POLDIP3: variants seen among roughly 807,000 people sequenced by gnomAD.
The protein encoded by POLDIP3 is polymerase delta-interacting protein 3.
POLDIP3 carries 14 observed loss-of-function variants against 45.1 expected under a neutral mutation model. That is an observed-to-expected ratio of 0.31 (90% CI 0.20 to 0.49). The LOEUF (loss-of-function observed/expected upper bound fraction) is 0.49, where lower values mean the gene tolerates loss of function less well. POLDIP3 is among the 20% of genes least tolerant of loss of function. POLDIP3 has a pLI of 0.99. For synonymous variants in POLDIP3, 223 were observed against 205.2 expected (o/e 1.09, Z -0.74); for missense variants, 511 against 538.8 (o/e 0.95, Z 0.51).
Position 42,602,227 on chromosome 22 carries a change from C to T in POLDIP3, c.451-171G>A, listed in dbSNP as rs910178753. 5 of 1,077,260 alleles carry T rather than the reference C, an allele frequency of 4.6e-6. No individual in the cohort carries two copies. The African/African-American group carries it at 6.3e-5, about 14-fold the overall frequency. 66.7% of individuals were successfully genotyped at this position (1,077,260 alleles called of 1,614,324 possible). On this transcript the variant is annotated intron_variant, in intron 2 of 8. Transcript: ENST00000252115. The stretch of plus-strand genomic sequence containing the variant: ...GGAAGTAACAGAAGAATCATCAATC[C>T]AGAGACCATGCCGGTAACGCACATG...
At position 42,585,821 on chromosome 22, in the gene POLDIP3, C is replaced by A. The variant is rs373371111; in HGVS notation, c.1236G>T (p.Thr412=). The change falls in exon 9 of 9, where the codon ACG becomes ACT. Residue 412 remains threonine, a synonymous_variant. Transcript: ENST00000252115. ...GCTTGATTTTGAATTCTGTGGGCTG[C>A]GTGGTCACAGAGGCCCCTGAGGACT... is the stretch of plus-strand genomic sequence containing the variant. ...LFKSSGASVT[T]QPTEFKIKL is the part of the protein sequence containing the mutation. 3 of 1,612,406 alleles carry A rather than the reference C, an allele frequency of 1.9e-6. No homozygotes were observed. In the South Asian group the frequency reaches 3.3e-5, roughly 18 times the overall value.
chr22:42,608,303 G>A (rs1452445410), intron 1 of POLDIP3, among the ~76,000 whole-genome samples: 2 of 135,360 alleles, frequency 1.5e-5, no homozygotes, highest in African/African-American at 5.9e-5. Flanking sequence ...CACATCTGTA[G>A]TCCCAGCTAC....
In POLDIP3 at chr22:42,585,514, G is replaced by C. The variant is rs1174501623; in HGVS notation, c.*277C>G. 6.7e-6 allele frequency: 3 copies of C among 450,674 alleles called. No homozygotes were observed. Among genetic ancestry groups the C allele is most frequent in the South Asian group, 2.3e-5 (1 of 43,980 alleles). The allele number at this position is 450,674 out of a possible 1,614,324, so 27.9% of individuals were successfully genotyped here. ...ATTTCCAGATAAGAAATCAGCTTGG[G>C]GCTGAGGCTCGGGGAGGCACACACT... is the stretch of plus-strand genomic sequence containing the variant. On this transcript the variant is annotated 3_prime_UTR_variant, in exon 9 of 9. Coordinates refer to ENST00000252115, the MANE Select transcript of POLDIP3 (RefSeq NM_032311.5).
At chr22:42,605,710 G>C (rs1042392819) in intron 1 of POLDIP3, among the ~76,000 whole-genome samples, 8 of 152,092 alleles carry the variant, frequency 5.3e-5, no homozygotes, top group African/African-American at 1.9e-4. Context: ...CAGGGGGTCG[G>C]CATGCACGAT....
At chr22:42,596,735 T>C (rs184925834) in intron 4 of POLDIP3, among the ~76,000 whole-genome samples, 6 of 152,228 alleles carry the variant, frequency 3.9e-5, no homozygotes, top group Admixed American at 6.5e-5. Context: ...GGCCAAAAGC[T>C]TGGCCAGGCA....
At chr22:42,613,426 G>A (rs1481912154) in intron 1 of POLDIP3, among the ~76,000 whole-genome samples, 1 of 152,162 alleles carries the variant, frequency 6.6e-6, no homozygotes, top group African/African-American at 2.4e-5. Context: ...CAGACATCAA[G>A]AGAAAAACCT....
At chr22:42,605,061 G>C (rs1926633893) in intron 1 of POLDIP3, among the ~76,000 whole-genome samples, 1 of 152,170 alleles carries the variant, frequency 6.6e-6, no homozygotes. Context: ...ATCAGACATG[G>C]AATCTGCCAG....
At chr22:42,595,751 C>G in intron 5 of POLDIP3, 137 bp from the exon 6 acceptor site, 1 of 734,550 alleles carries the variant, frequency 1.4e-6, no homozygotes, top group Non-Finnish European at 2.4e-6. Context: ...GCCCCCTGAA[C>G]TTCAGTGTCC....
Position 42,585,746 on chromosome 22 carries a change from A to G in POLDIP3, c.*45T>C. On this transcript the variant is annotated 3_prime_UTR_variant, in exon 9 of 9. Transcript: ENST00000252115. Reference sequence around the variant, plus strand: ...CATAAGCTTTGCCTTGGGGAAACAGAGCCACCCTCCTCTGCCCCCACTTCT... The same window carrying G: ...CATAAGCTTTGCCTTGGGGAAACAGGGCCACCCTCCTCTGCCCCCACTTCT... 2.5e-6 allele frequency: 4 copies of G among 1,577,708 alleles called. No individual in the cohort carries two copies. Among genetic ancestry groups the G allele is most frequent in the Non-Finnish European group, 3.4e-6 (4 of 1,160,918 alleles).
rs1215322148 is a variant in POLDIP3 at position 42,591,983 on chromosome 22, A to G, written c.993T>C (p.Tyr331=). 1 of 1,614,204 alleles carries G rather than the reference A, an allele frequency of 6.2e-7. No individual in the cohort carries two copies. Among genetic ancestry groups the G allele is most frequent in the Non-Finnish European group, 8.5e-7 (1 of 1,180,036 alleles). Residue 331 remains tyrosine (Y), a synonymous_variant, in exon 7 of 9, where the codon TAT becomes TAC. Transcript: ENST00000252115. ...FVKKDDAITA[Y]KKYNNRCLDG... ...CCAGACACCGGTTGTTGTACTTCTTATATGCGGTGATGGCATCGTCCTTTT... is the reference window on the plus strand; with the variant it reads ...CCAGACACCGGTTGTTGTACTTCTTGTATGCGGTGATGGCATCGTCCTTTT...
intron 1 of POLDIP3, among the ~76,000 whole-genome samples, chr22:42,613,694 G>A (rs1216110695): frequency 1.3e-5 from 2 of 152,250 alleles, no homozygotes; most frequent in Non-Finnish European, 2.9e-5. Context: ...CGGGGAGGCG[G>A]AGGTTGCAGT....
intron 8 of POLDIP3, among the ~76,000 whole-genome samples, chr22:42,587,014 G>A (rs1054824267): frequency 1.7e-4 from 26 of 152,152 alleles, no homozygotes; most frequent in African/African-American, 6.0e-4. Flanking sequence ...AGGCTGAGGG[G>A]AGAGGGTTGC....
At chr22:42,588,011 C>T (rs889436998) in intron 7 of POLDIP3, among the ~76,000 whole-genome samples, 1 of 151,970 alleles carries the variant, frequency 6.6e-6, no homozygotes, top group Non-Finnish European at 1.5e-5. Context: ...ACATGTGTAA[C>T]GGTAATAGCA....
Position 42,586,351 on chromosome 22 carries a change from A to G in POLDIP3, c.1089-383T>C, listed in dbSNP as rs1412666068. The stretch of plus-strand genomic sequence containing the variant: ...TAGGGTTTTGTGGGGTTTTTTTGAG[A>G]CAGAATCTCACTCTGTCACCCAGGC... On this transcript the variant is annotated intron_variant, in intron 8 of 8. Coordinates refer to ENST00000252115, the MANE Select transcript of POLDIP3 (RefSeq NM_032311.5). Among the ~76,000 whole-genome samples the G allele has an allele frequency of 2.6e-5, 4 of 151,672 alleles. No individual in the cohort carries two copies. In the East Asian group the frequency reaches 7.8e-4, roughly 30 times the overall value.
Position 42,596,375 on chromosome 22 carries a change from G to C in POLDIP3, c.634-10C>G, listed in dbSNP as rs1423672790. ...AACTGCTTAGCCCAGCCTAAACGAA[G>C]AGACAGAAAAGAATCTGAGAAGCCA... is the stretch of plus-strand genomic sequence containing the variant. On this transcript the variant is annotated splice_polypyrimidine_tract_variant and intron_variant, in intron 4 of 8. Coordinates refer to ENST00000252115, the MANE Select transcript of POLDIP3 (RefSeq NM_032311.5). The C allele has an allele frequency of 4.3e-6, 7 of 1,611,860 alleles. No homozygotes were observed. The highest frequency in any genetic ancestry group is 5.9e-6 in the Non-Finnish European group (7 of 1,179,028).
chr22:42,604,543 C>T (rs140395108), intron 1 of POLDIP3, among the ~76,000 whole-genome samples: 101 of 152,310 alleles, frequency 6.6e-4, no homozygotes, highest in African/African-American at 2.3e-3. Context: ...GCTGCATAAA[C>T]GAGTTCCTGT....
At chr22:42,597,581 A>G in intron 4 of POLDIP3, 1 of 388,510 alleles carries the variant, frequency 2.6e-6, no homozygotes, top group Non-Finnish European at 5.3e-6. Flanking sequence ...CAACGAGGGT[A>G]ATCAACAGTA....
chr22:42,603,084 G>C lies in POLDIP3; in HGVS notation c.136C>G (p.Arg46Gly), dbSNP rs758458133. The change falls in exon 2 of 9, where the codon CGC becomes GGC. Residue 46 changes from arginine to glycine, a missense_variant. Physicochemically the swap from Arg to Gly is moderately radical, Grantham distance 125. Coordinates refer to ENST00000252115, the MANE Select transcript of POLDIP3 (RefSeq NM_032311.5). ...AATCTCTGCTGGAAGGTGGCTGTGC[G>C]TGTTGACTGGCTGAGAAGGCCTTGC... is the stretch of plus-strand genomic sequence containing the variant. Reference protein sequence around the residue: ...IQQGLLSQSTRTATFQQRFDA... With the variant: ...IQQGLLSQSTGTATFQQRFDA... The C allele has an allele frequency of 3.1e-6, 5 of 1,614,074 alleles. No individual in the cohort carries two copies. In the African/African-American group the frequency reaches 4.0e-5, roughly 13 times the overall value.
At chr22:42,610,673 CAGG>C (rs1188579651) in intron 1 of POLDIP3, among the ~76,000 whole-genome samples, 4 of 152,200 alleles carry the variant, frequency 2.6e-5, no homozygotes, top group Admixed American at 6.5e-5. Flanking sequence ...GAGGCAGAGG[CAGG>C]AGGACTGCTT....
Sources: gnomAD v4.1 joint callset for allele counts (sites outside exome capture counted in the v4.1 genomes callset) on GRCh38, gnomAD v4.1.1 for gene constraint, MANE v1.5 for transcripts, NCBI Gene and HGNC (gene_info 2026-07-23, HGNC 2026-07-21) for gene names.